Variants in PKP4 observed in about 807,000 individuals in gnomAD.
PKP4 encodes plakophilin-4.
In PKP4, 90 loss-of-function variants were observed where a neutral mutation model predicts 145.1. That is an observed-to-expected ratio of 0.62 (90% CI 0.52 to 0.74). The LOEUF (loss-of-function observed/expected upper bound fraction) is 0.74, where lower values mean the gene tolerates loss of function less well. Ranked by LOEUF, PKP4 falls within the 30% of genes least tolerant of loss-of-function variation. The pLI, the probability that PKP4 is intolerant of heterozygous loss-of-function variation, is 0.00. For missense variants in PKP4, 1,340 were observed against 1,482.7 expected, an observed-to-expected ratio of 0.90 and a Z score of 1.58; for synonymous variants, 563 against 577.2, an observed-to-expected ratio of 0.98 and a Z score of 0.35.
chr2:158,653,228 G>T (rs1045790606), intron 11 of PKP4, among the ~76,000 whole-genome samples: 1 of 114,940 alleles, frequency 8.7e-6, no homozygotes, highest in South Asian at 3.6e-4. Context: ...CAGAGAAATC[G>T]CATTTTCCAA....
At chr2:158,496,098 A>C (rs1473527477) in intron 1 of PKP4, among the ~76,000 whole-genome samples, 2 of 151,716 alleles carry the variant, frequency 1.3e-5, no homozygotes, top group Non-Finnish European at 2.9e-5. Context: ...CTCCCACCTC[A>C]GCCTCCTGAG....
chr2:158,675,883 G>A (rs780995073), intron 19 of PKP4, among the ~76,000 whole-genome samples: 5 of 152,174 alleles, frequency 3.3e-5, no homozygotes, highest in Non-Finnish European at 7.3e-5. Flanking sequence ...GGGGGCTGTT[G>A]CTTTCGAGTG....
chr2:158,483,803 A>C (rs548477524), intron 1 of PKP4, among the ~76,000 whole-genome samples: 5 of 152,314 alleles, frequency 3.3e-5, no homozygotes, highest in Non-Finnish European at 5.9e-5. Flanking sequence ...GGAAATGTGT[A>C]GATAAAATTA....
At position 158,590,135 on chromosome 2, in the gene PKP4, G is replaced by A. The variant is rs555043708; in HGVS notation, c.245+12752G>A. Among the ~76,000 whole-genome samples, 4 of 152,124 alleles carry A rather than the reference G, an allele frequency of 2.6e-5. No individual in the cohort carries two copies. In the South Asian group the frequency reaches 6.2e-4, roughly 24 times the overall value. The stretch of plus-strand genomic sequence containing the variant: ...GCATAGATTTTTCTATGCTGCTGTT[G>A]TGTTACTCCACAATTAAATAGGAGA... On this transcript the variant is annotated intron_variant, in intron 3 of 21. Transcript: ENST00000389759.
intron 2 of PKP4, among the ~76,000 whole-genome samples, chr2:158,535,605 G>A (rs986832945): frequency 1.3e-5 from 2 of 152,056 alleles, no homozygotes; most frequent in African/African-American, 4.8e-5. Context: ...TTTTTGTAGA[G>A]ATGGGGGTCT....
intron 19 of PKP4, among the ~76,000 whole-genome samples, chr2:158,674,664 A>C (rs2057852402): frequency 2.0e-5 from 3 of 152,204 alleles, no homozygotes; most frequent in Non-Finnish European, 4.4e-5. Flanking sequence ...GATGGAAAGA[A>C]TGTTTTGAGA....
chr2:158,463,270 GTAGTCATTTTATAAAATGTCTTTGC>G (rs1399551749), intron 1 of PKP4, among the ~76,000 whole-genome samples: 3 of 152,166 alleles, frequency 2.0e-5, no homozygotes, highest in Non-Finnish European at 4.4e-5. Context: ...ATCCCAGGTA[GTAGTCATTTTATAAAATGTCTTTGC>G]TAGTCAGTAC....
chr2:158,596,841 G>A (rs1207394299), intron 3 of PKP4, among the ~76,000 whole-genome samples: 1 of 152,056 alleles, frequency 6.6e-6, no homozygotes, highest in Non-Finnish European at 1.5e-5. Context: ...AACCCCTTAC[G>A]GTTTTTGAGC....
intron 2 of PKP4, among the ~76,000 whole-genome samples, chr2:158,559,744 A>G (rs2046366600): frequency 6.6e-6 from 1 of 152,238 alleles, no homozygotes; most frequent in Non-Finnish European, 1.5e-5. Context: ...TTCATAAAAT[A>G]GACAAAGGAA....
chr2:158,467,691 T>C (rs927437553), intron 1 of PKP4, among the ~76,000 whole-genome samples: 1 of 151,974 alleles, frequency 6.6e-6, no homozygotes, highest in Non-Finnish European at 1.5e-5. Flanking sequence ...AAAAAAAATT[T>C]TAAAAATTAG....
chr2:158,677,946 A>G (rs950146631), intron 20 of PKP4, among the ~76,000 whole-genome samples: 1 of 152,172 alleles, frequency 6.6e-6, no homozygotes, highest in Admixed American at 6.5e-5. Flanking sequence ...AAAAATAAAA[A>G]TCTTTGCTAG....
At chr2:158,492,009 A>C (rs1024068384) in intron 1 of PKP4, among the ~76,000 whole-genome samples, 1 of 152,108 alleles carries the variant, frequency 6.6e-6, no homozygotes, top group East Asian at 1.9e-4. Context: ...ATGTCTCGCT[A>C]TCTTGGCAGG....
chr2:158,606,957 A>G (rs1278224554), intron 4 of PKP4, among the ~76,000 whole-genome samples: 1 of 152,196 alleles, frequency 6.6e-6, no homozygotes, highest in Non-Finnish European at 1.5e-5. Flanking sequence ...CCATATCTCT[A>G]GTATCGGACA....
At chr2:158,494,065 C>T (rs1695333928) in intron 1 of PKP4, among the ~76,000 whole-genome samples, 1 of 152,042 alleles carries the variant, frequency 6.6e-6, no homozygotes, top group African/African-American at 2.4e-5. Context: ...AAAGTTGGAT[C>T]TTTTTTAATA....
chr2:158,552,597 C>T (rs923436027), intron 2 of PKP4, among the ~76,000 whole-genome samples: 1 of 151,984 alleles, frequency 6.6e-6, no homozygotes, highest in South Asian at 2.1e-4. Context: ...ATGAGGAATA[C>T]GTAATTGGAA....
intron 6 of PKP4, among the ~76,000 whole-genome samples, chr2:158,621,832 G>A (rs1471212207): frequency 6.6e-6 from 1 of 151,830 alleles, no homozygotes; most frequent in Admixed American, 6.6e-5. Flanking sequence ...AAATAAATGT[G>A]TACAATTTTT....
At chr2:158,526,870 G>A (rs1163472038) in intron 1 of PKP4, among the ~76,000 whole-genome samples, 1 of 67,432 alleles carries the variant, frequency 1.5e-5, no homozygotes, top group African/African-American at 6.4e-5. Context: ...AATCATGAGT[G>A]AACTCCCATT....
At chr2:158,615,669 T>C (rs2051534238) in intron 4 of PKP4, among the ~76,000 whole-genome samples, 1 of 152,206 alleles carries the variant, frequency 6.6e-6, no homozygotes, top group Admixed American at 6.5e-5. Flanking sequence ...AGTTTAGTCA[T>C]TGTGGAAATC....
rs375134658 is a variant in PKP4, at chr2:158,468,875, A to G, written c.-6+11657A>G. Among the ~76,000 whole-genome samples the G allele has an allele frequency of 1.5e-3, 221 of 147,134 alleles. 1 individual carries two copies. Among genetic ancestry groups the G allele is most frequent in the African/African-American group, 5.3e-3 (213 of 39,814 alleles). ...CTGCAGCCTCAAATTCCTGAGCTCA[A>G]GGGACCCACTCGCATCAGCCTCCTG... On this transcript the variant is annotated intron_variant, in intron 1 of 21. Coordinates refer to ENST00000389759, the MANE Select transcript of PKP4 (RefSeq NM_003628.6).
Sources: gnomAD v4.1 joint callset for allele counts (sites outside exome capture counted in the v4.1 genomes callset) on GRCh38, gnomAD v4.1.1 for gene constraint, MANE v1.5 for transcripts, NCBI Gene and HGNC (gene_info 2026-07-23, HGNC 2026-07-21) for gene names.